Variants in LDLRAD4 observed in about 807,000 individuals in gnomAD.
The protein encoded by LDLRAD4 is low density lipoprotein receptor class A domain containing 4.
Under a neutral mutation model 17.0 loss-of-function variants are expected in LDLRAD4, and 5 were observed. That is an observed-to-expected ratio of 0.29 (90% confidence interval 0.15 to 0.62). The LOEUF is 0.62. Ranked by LOEUF, LDLRAD4 falls within the 20% of genes least tolerant of loss-of-function variation. LDLRAD4 has a pLI of 0.84. For synonymous variants in LDLRAD4, 168 were observed against 171.8 expected (o/e 0.98, Z 0.17); for missense variants, 340 against 424.7 (o/e 0.80, Z 1.75).
At chr18:13,571,885 C>G (rs1339349715) in intron 3 of LDLRAD4, among the ~76,000 whole-genome samples, 2 of 152,206 alleles carry the variant, frequency 1.3e-5, no homozygotes, top group African/African-American at 4.8e-5. Context: ...ATCCACCCGC[C>G]TCAGCCTCCC....
At chr18:13,636,392 T>G (rs1041724956) in intron 4 of LDLRAD4, among the ~76,000 whole-genome samples, 1 of 151,742 alleles carries the variant, frequency 6.6e-6, no homozygotes, top group Non-Finnish European at 1.5e-5. Flanking sequence ...AACGGTCCAC[T>G]GTATTCATTC....
At chr18:13,519,501 C>T (rs1340830435) in intron 3 of LDLRAD4, among the ~76,000 whole-genome samples, 1 of 152,202 alleles carries the variant, frequency 6.6e-6, no homozygotes, top group Admixed American at 6.5e-5. Flanking sequence ...TGACTCATGC[C>T]TGTAATCCTA....
chr18:13,508,247 T>C (rs1486668127), intron 3 of LDLRAD4, among the ~76,000 whole-genome samples: 2 of 152,106 alleles, frequency 1.3e-5, no homozygotes, highest in Non-Finnish European at 2.9e-5. Context: ...GTTCATGAGG[T>C]TCAATGAAAG....
At chr18:13,480,103 C>A (rs2146930194) in intron 3 of LDLRAD4, among the ~76,000 whole-genome samples, 1 of 152,322 alleles carries the variant, frequency 6.6e-6, no homozygotes, top group Admixed American at 6.5e-5. Flanking sequence ...CACACAGAAA[C>A]CTTCACATGG....
At chr18:13,255,627 A>G (rs2043462095) in intron 1 of LDLRAD4, among the ~76,000 whole-genome samples, 1 of 152,054 alleles carries the variant, frequency 6.6e-6, no homozygotes, top group Admixed American at 6.5e-5. Flanking sequence ...GTCTGGGTGT[A>G]GGTTTCCAGA....
chr18:13,515,798 T>TGTTTC (rs940050548), intron 3 of LDLRAD4: 7 of 152,106 alleles, frequency 4.6e-5, no homozygotes, highest in Non-Finnish European at 1.0e-4. Flanking sequence ...TGAAATTTTT[T>TGTTTC]GTTTTGTTTC....
At chr18:13,269,562 CTTT>C (rs113807644) in intron 1 of LDLRAD4, among the ~76,000 whole-genome samples, 1 of 146,152 alleles carries the variant, frequency 6.8e-6, no homozygotes, top group Non-Finnish European at 1.5e-5. Context: ...GGTAGATGAT[CTTT>C]TTTTTTTTTT....
chr18:13,641,074 A>G (rs1334336974), intron 4 of LDLRAD4, among the ~76,000 whole-genome samples: 1 of 152,322 alleles, frequency 6.6e-6, no homozygotes, highest in East Asian at 1.9e-4. Context: ...AAGTACACAT[A>G]TAGAGGAAAA....
intron 2 of LDLRAD4, among the ~76,000 whole-genome samples, chr18:13,396,145 G>A (rs8087651): frequency 0.014 from 2,207 of 152,336 alleles, 61 homozygotes; most frequent in African/African-American, 0.051. Flanking sequence ...CCGTATGGGA[G>A]TATGGACTCT....
intron 3 of LDLRAD4, among the ~76,000 whole-genome samples, chr18:13,533,280 A>T (rs1432420770): frequency 2.0e-5 from 3 of 152,132 alleles, no homozygotes; most frequent in African/African-American, 7.2e-5. Flanking sequence ...AGTCACTTTG[A>T]TGTATTTCTG....
intron 1 of LDLRAD4, among the ~76,000 whole-genome samples, chr18:13,345,979 T>C (rs184416843): frequency 1.9e-3 from 291 of 152,336 alleles, no homozygotes; most frequent in African/African-American, 6.6e-3. Context: ...TTTTCTTCTT[T>C]ATTAGTCTTG....
chr18:13,230,868 G>A (rs187377703), intron 1 of LDLRAD4, among the ~76,000 whole-genome samples: 213 of 152,340 alleles, frequency 1.4e-3, no homozygotes, highest in Non-Finnish European at 2.7e-3. Context: ...ACCCTCCAGG[G>A]CGAATCCTGA....
chr18:13,492,828 G>T (rs533984630), intron 3 of LDLRAD4, among the ~76,000 whole-genome samples: 1 of 152,162 alleles, frequency 6.6e-6, no homozygotes, highest in Non-Finnish European at 1.5e-5. Context: ...GAAAATGAGT[G>T]TGGCAAATAG....
At chr18:13,418,377 G>GCAAGTT (rs1277342768) in intron 2 of LDLRAD4, among the ~76,000 whole-genome samples, 1 of 152,208 alleles carries the variant, frequency 6.6e-6, no homozygotes. Flanking sequence ...CCTGAGACTT[G>GCAAGTT]CAAGTTCATA....
chr18:13,544,332 T>C (rs185772436), intron 3 of LDLRAD4, among the ~76,000 whole-genome samples: 3 of 152,324 alleles, frequency 2.0e-5, no homozygotes, highest in Admixed American at 1.3e-4. Context: ...AAACAAACCT[T>C]CTTTGACACC....
At chr18:13,592,900 A>G (rs1424867316) in intron 3 of LDLRAD4, among the ~76,000 whole-genome samples, 1 of 152,266 alleles carries the variant, frequency 6.6e-6, no homozygotes, top group Admixed American at 6.5e-5. Context: ...TTAAGCATTT[A>G]GTATCTGATT....
intron 1 of LDLRAD4, among the ~76,000 whole-genome samples, chr18:13,260,672 C>T (rs1247193850): frequency 6.6e-6 from 1 of 152,212 alleles, no homozygotes; most frequent in African/African-American, 2.4e-5. Flanking sequence ...CACCCTCTCC[C>T]TCCCTCCTTA....
At chr18:13,628,631 C>G (rs1325380792) in intron 4 of LDLRAD4, among the ~76,000 whole-genome samples, 1 of 152,198 alleles carries the variant, frequency 6.6e-6, no homozygotes, top group Non-Finnish European at 1.5e-5. Context: ...CATCTCCCTT[C>G]AATTAAGGGA....
chr18:13,459,713 A>G (rs1274082431), intron 3 of LDLRAD4, among the ~76,000 whole-genome samples: 2 of 152,202 alleles, frequency 1.3e-5, no homozygotes, highest in African/African-American at 4.8e-5. Context: ...CTGAGTTTGT[A>G]TAGCTTGTTA....
Sources: allele counts gnomAD v4.1 joint callset (sites outside exome capture counted in the v4.1 genomes callset), GRCh38; gene constraint gnomAD v4.1.1; transcripts MANE v1.5; gene names NCBI Gene and HGNC (gene_info 2026-07-23, HGNC 2026-07-21).